Variants in LY6S observed in about 807,000 individuals in gnomAD.
LY6S encodes the protein lymphocyte antigen 6 family member S.
At chr8:143,054,957 C>G in the LY6S span, among the ~76,000 whole-genome samples, 2 of 152,208 alleles carry the variant, frequency 1.3e-5, no homozygotes, top group Non-Finnish European at 2.9e-5. Context: ...GGCCTTAAAT[C>G]TTCTCATGCT....
At chr8:143,042,994 CT>C in the LY6S span, 1 of 1,367,550 alleles carries the variant, frequency 7.3e-7, no homozygotes, top group Non-Finnish European at 9.8e-7. Context: ...CATCCTTCCC[CT>C]GATCTCATGG....
chr8:143,050,106 T>G, the LY6S span, among the ~76,000 whole-genome samples: 1 of 151,680 alleles, frequency 6.6e-6, no homozygotes, highest in East Asian at 1.9e-4. Context: ...CTCTGCGCCC[T>G]GCAGGTGGCC....
At chr8:143,059,084 G>C in the LY6S span, among the ~76,000 whole-genome samples, 1 of 152,050 alleles carries the variant, frequency 6.6e-6, no homozygotes, top group Non-Finnish European at 1.5e-5. Flanking sequence ...TATTATACTG[G>C]AACGGCTCAT....
At chr8:143,073,120 T>A in the LY6S span, among the ~76,000 whole-genome samples, 2 of 148,622 alleles carry the variant, frequency 1.3e-5, no homozygotes, top group African/African-American at 5.1e-5. Flanking sequence ...GAGACAGCCG[T>A]CGTCCTCGGG....
the LY6S span, chr8:143,065,937 C>G: frequency 7.1e-6 from 2 of 281,956 alleles, no homozygotes; most frequent in Admixed American, 3.9e-5. Flanking sequence ...TGGTGGCGGT[C>G]GTGGGGCAGC....
the LY6S span, among the ~76,000 whole-genome samples, chr8:143,058,632 C>A: frequency 1.3e-5 from 2 of 152,132 alleles, no homozygotes; most frequent in African/African-American, 4.8e-5. Flanking sequence ...TAACTGCGGG[C>A]CGGTCTGACT....
At chr8:143,051,985 A>AG in the LY6S span, among the ~76,000 whole-genome samples, 5 of 124,768 alleles carry the variant, frequency 4.0e-5, no homozygotes. Context: ...AAAAAAAAAG[A>AG]AAAGAAAAGA....
chr8:143,072,297 A>T, the LY6S span, among the ~76,000 whole-genome samples: 1 of 146,506 alleles, frequency 6.8e-6, no homozygotes, highest in Non-Finnish European at 1.5e-5. Context: ...GTTTGAGGAG[A>T]CAGCCGTCGT....
At chr8:143,072,345 CG>C in the LY6S span, among the ~76,000 whole-genome samples, 1 of 132,210 alleles carries the variant, frequency 7.6e-6, no homozygotes, top group African/African-American at 2.9e-5. Context: ...CCGTCGTCCT[CG>C]GGGTTCCTGT....
the LY6S span, among the ~76,000 whole-genome samples, chr8:143,061,173 C>T: frequency 4.6e-5 from 7 of 152,042 alleles, no homozygotes; most frequent in South Asian, 1.5e-3. Context: ...CGTCTGTAAT[C>T]CCAGCACTTT....
chr8:143,073,276 C>T, the LY6S span, among the ~76,000 whole-genome samples: 2,906 of 36,936 alleles, frequency 0.079, 69 homozygotes, highest in Middle Eastern at 0.17. Flanking sequence ...GGTCCCTGTT[C>T]GAGGAGACAG....
At chr8:143,072,192 A>G in the LY6S span, among the ~76,000 whole-genome samples, 18 of 151,094 alleles carry the variant, frequency 1.2e-4, 1 homozygote, top group South Asian at 4.2e-4. Flanking sequence ...CCTGTTTGAG[A>G]AGACAGCCGT....
At chr8:143,047,831 G>A in the LY6S span, 1 of 152,206 alleles carries the variant, frequency 6.6e-6, no homozygotes, top group Non-Finnish European at 1.5e-5. Flanking sequence ...AATCATGGAA[G>A]ACTCCCATGG....
chr8:143,051,187 G>A, the LY6S span, among the ~76,000 whole-genome samples: 1 of 152,200 alleles, frequency 6.6e-6, no homozygotes, highest in South Asian at 2.1e-4. Context: ...GGGAACTCCG[G>A]GAGCAGTGGC....
chr8:143,056,223 A>T, the LY6S span, among the ~76,000 whole-genome samples: 9 of 145,548 alleles, frequency 6.2e-5, no homozygotes, highest in Admixed American at 3.5e-4. Flanking sequence ...GAAACCGGCA[A>T]CTAGATCCTA....
At chr8:143,075,950 G>GTCAGAGAATA in the LY6S span, among the ~76,000 whole-genome samples, 2 of 152,094 alleles carry the variant, frequency 1.3e-5, no homozygotes, top group African/African-American at 4.8e-5. The surrounding 1 kb of genome is among the most constrained non-coding windows in gnomAD (Gnocchi z 4.1). Flanking sequence ...TCTGTGCTGG[G>GTCAGAGAATA]TCAGAGAATA....
chr8:143,070,489 A>AT, the LY6S span, among the ~76,000 whole-genome samples: 495 of 81,698 alleles, frequency 6.1e-3, 26 homozygotes, highest in East Asian at 0.011. Flanking sequence ...ATATATATAT[A>AT]TTTTTTTTTT....
chr8:143,041,195 G>C, the LY6S span, among the ~76,000 whole-genome samples: 1 of 152,170 alleles, frequency 6.6e-6, no homozygotes, highest in African/African-American at 2.4e-5. Context: ...ATAAGCCTGG[G>C]AGCACTGCGG....
At chr8:143,046,150 G>A in the LY6S span, among the ~76,000 whole-genome samples, 2 of 152,094 alleles carry the variant, frequency 1.3e-5, no homozygotes, top group Non-Finnish European at 2.9e-5. Context: ...ACCACGCCCA[G>A]CCCAATTTAC....
Sources: gnomAD v4.1 joint callset for allele counts (sites outside exome capture counted in the v4.1 genomes callset) on GRCh38, gnomAD v4.1.1 for gene constraint, Gnocchi (gnomAD v3.1) non-coding constraint, MANE v1.5 for transcripts, NCBI Gene and HGNC (gene_info 2026-07-23, HGNC 2026-07-21) for gene names.